Variants in CCDC39 observed in about 807,000 individuals in gnomAD.
The protein encoded by CCDC39 is coiled-coil domain 39 molecular ruler complex subunit, also known as coiled-coil domain-containing protein 39.
In CCDC39, 113 loss-of-function variants were observed where a neutral mutation model predicts 121.0. The observed-to-expected ratio is 0.93, with a 90% CI of 0.80 to 1.09. CCDC39 has a LOEUF of 1.09. Ranked by LOEUF, CCDC39 falls within the 50% of genes least tolerant of loss-of-function variation. The pLI is 0.00. For synonymous variants in CCDC39, 349 were observed against 352.2 expected, an observed-to-expected ratio of 0.99 and a Z score of 0.10; for missense variants, 1,063 against 1,074.7, an observed-to-expected ratio of 0.99 and a Z score of 0.15.
intron 6 of CCDC39, among the ~76,000 whole-genome samples, chr3:180,655,877 T>C (rs1711565755): frequency 6.6e-6 from 1 of 152,150 alleles, no homozygotes; most frequent in African/African-American, 2.4e-5. Context: ...CTGATGGCAA[T>C]AAGTTGGATG....
Position 180,615,054 on chromosome 3 carries a change from G to C in CCDC39, c.2693C>G (p.Ser898Cys). Residue 898 changes from serine to cysteine, a missense_variant, in exon 20 of 20, where the codon TCT (serine) becomes TGT (cysteine). Coordinates refer to ENST00000476379, the MANE Select transcript of CCDC39 (RefSeq NM_181426.2). Reference protein sequence around the residue: ...SARSSRSTSTSTSQSSIKVLE... With the variant: ...SARSSRSTSTCTSQSSIKVLE... ...TACTTTAATTGAAGACTGAGAAGTA[G>C]ATGTACTTGTACTCCTAGATGACCT... The C allele has an allele frequency of 6.5e-7, 1 of 1,548,704 alleles. No homozygotes were observed. Among genetic ancestry groups the C allele is most frequent in the Non-Finnish European group, 8.7e-7 (1 of 1,147,306 alleles).
intron 16 of CCDC39, among the ~76,000 whole-genome samples, chr3:180,617,987 T>A (rs1016583685): frequency 6.6e-6 from 1 of 152,156 alleles, no homozygotes; most frequent in African/African-American, 2.4e-5. Context: ...ACCATTTTTT[T>A]AATCCATTAT....
intron 16 of CCDC39, 90 bp from the exon 17 acceptor site, chr3:180,617,056 C>G (rs771091858): frequency 3.4e-5 from 26 of 754,366 alleles, no homozygotes; most frequent in Non-Finnish European, 5.2e-5. Flanking sequence ...AATTTTAATT[C>G]ATTTATTTTT....
At position 180,648,350 on chromosome 3, in the gene CCDC39, C is replaced by G; in HGVS notation, c.1177G>C (p.Val393Leu). 1.9e-6 allele frequency: 3 copies of G among 1,549,882 alleles called. No individual in the cohort carries two copies. The highest frequency in any genetic ancestry group is 2.6e-6 in the Non-Finnish European group (3 of 1,148,262). The part of the protein sequence containing the change: ...EEEKDVKEVD[V>L]QLNLIKGVLF... Reference sequence around the variant, plus strand: ...ACACCTTTTATGAGGTTCAGTTGAACATCTACTTCCTGATAATGAGAATTA... The same window carrying G: ...ACACCTTTTATGAGGTTCAGTTGAAGATCTACTTCCTGATAATGAGAATTA... The change falls in exon 10 of 20, where the codon GTT becomes CTT. Residue 393 changes from valine (V) to leucine (L), a missense_variant. By Grantham distance (32) the Val-to-Leu change is conservative. Coordinates refer to ENST00000476379, the MANE Select transcript of CCDC39 (RefSeq NM_181426.2).
Position 180,614,835 on chromosome 3 carries a change from C to A in CCDC39, c.*86G>T. 1 of 1,230,910 alleles carries A rather than the reference C, an allele frequency of 8.1e-7. No homozygotes were observed. Among genetic ancestry groups the A allele is most frequent in the Non-Finnish European group, 1.1e-6 (1 of 891,526 alleles). The allele number at this position is 1,230,910 out of a possible 1,614,324, so 76.2% of individuals were successfully genotyped here. ...TACCACTAAGTTTTTACACTTTCCA[C>A]TAGATAAAATGTGTTGGGTCGTTTT... On this transcript the variant is annotated 3_prime_UTR_variant, in exon 20 of 20. Transcript: ENST00000476379.
At chr3:180,619,456 T>A in intron 15 of CCDC39, 91 bp from the exon 16 acceptor site, 1 of 711,964 alleles carries the variant, frequency 1.4e-6, no homozygotes, top group South Asian at 1.7e-5. Context: ...AATATTTTTG[T>A]TATGAAAGTT....
intron 13 of CCDC39, among the ~76,000 whole-genome samples, chr3:180,632,655 C>G (rs1014117832): frequency 6.6e-6 from 1 of 151,964 alleles, no homozygotes; most frequent in Admixed American, 6.6e-5. Context: ...AGCAACATAG[C>G]AGTTCTGAGA....
intron 19 of CCDC39, among the ~76,000 whole-genome samples, chr3:180,615,661 T>C (rs76903092): frequency 0.015 from 2,266 of 152,238 alleles, 68 homozygotes; most frequent in African/African-American, 0.051. Context: ...GACTAAGGAA[T>C]AGTAATTTAA....
chr3:180,661,933 TC>T lies in CCDC39; in HGVS notation c.284del (p.Gly95AspfsTer3). The T allele has an allele frequency of 6.3e-7, 1 of 1,577,410 alleles. No homozygotes were observed. The highest frequency in any genetic ancestry group is 1.2e-5 in the South Asian group (1 of 86,264). On this transcript the variant is annotated frameshift_variant, in exon 3 of 20. Transcript: ENST00000476379. LOFTEE classifies it high-confidence loss of function. ...HFKAIAQRELGRVKDEIQRLE... is the reference protein window; with the variant it reads ...HFKAIAQRELXRVKDEIQRLE... ...GCCGTTGAATTTCATCTTTCACTCG[TC>T]CCAATTCTCTTTGAGCAATGGCCTT...
chr3:180,619,498 C>T, intron 15 of CCDC39, 133 bp from the exon 16 acceptor site: 1 of 632,896 alleles, frequency 1.6e-6, no homozygotes, highest in Non-Finnish European at 2.7e-6. Flanking sequence ...TAGAAAAACA[C>T]TATGGGCATG....
chr3:180,620,014 A>T, intron 14 of CCDC39, 44 bp from the exon 15 acceptor site: 1 of 1,432,534 alleles, frequency 7.0e-7, no homozygotes, highest in Non-Finnish European at 9.4e-7. Flanking sequence ...AGCATTTACT[A>T]TGGGAAGAAA....
chr3:180,614,814 A>G lies in CCDC39; in HGVS notation c.*107T>C. On this transcript the variant is annotated 3_prime_UTR_variant, in exon 20 of 20. Coordinates refer to ENST00000476379, the MANE Select transcript of CCDC39 (RefSeq NM_181426.2). ...AAAACTATCAGTTTTTACACTTACC[A>G]CTAAGTTTTTACACTTTCCACTAGA... 1.0e-6 allele frequency: 1 copy of G among 970,050 alleles called. No homozygotes were observed. Among genetic ancestry groups the G allele is most frequent in the Non-Finnish European group, 1.5e-6 (1 of 673,740 alleles). The allele number at this position is 970,050 out of a possible 1,614,324, so 60.1% of individuals were successfully genotyped here. A position where few individuals can be genotyped will look rare whatever the true frequency, so the allele number is the denominator to read the frequency against.
chr3:180,658,391 C>T (rs1172791341), intron 6 of CCDC39, among the ~76,000 whole-genome samples: 2 of 151,384 alleles, frequency 1.3e-5, no homozygotes, highest in African/African-American at 4.9e-5. Context: ...GTCAGGAGAT[C>T]GAGACCATCC....
intron 6 of CCDC39, among the ~76,000 whole-genome samples, chr3:180,655,477 T>C (rs538118038): frequency 5.9e-5 from 9 of 151,726 alleles, no homozygotes; most frequent in African/African-American, 1.4e-4. Context: ...AAAGAGATGA[T>C]GAATTCTTTC....
intron 11 of CCDC39, among the ~76,000 whole-genome samples, chr3:180,645,661 A>C (rs538762572): frequency 2.6e-5 from 4 of 152,296 alleles, no homozygotes; most frequent in African/African-American, 9.6e-5. Flanking sequence ...ATGTAAAATG[A>C]GATGGAGTGG....
At chr3:180,669,034 A>G (rs538403260) in intron 1 of CCDC39, among the ~76,000 whole-genome samples, 1 of 152,364 alleles carries the variant, frequency 6.6e-6, no homozygotes, top group African/African-American at 2.4e-5. Context: ...TGCACATGAA[A>G]TGCATGTTCG....
intron 18 of CCDC39, 76 bp downstream of exon 18, chr3:180,616,440 C>T (rs779030508): frequency 3.2e-4 from 476 of 1,500,136 alleles, no homozygotes; most frequent in Non-Finnish European, 4.1e-4. Context: ...TTAGCTTTCA[C>T]TTCATGATGA....
intron 11 of CCDC39, among the ~76,000 whole-genome samples, chr3:180,646,730 G>A (rs905501969): frequency 2.0e-5 from 3 of 152,062 alleles, no homozygotes; most frequent in Non-Finnish European, 2.9e-5. Context: ...GTATTTAGAA[G>A]TCAAATGCAG....
At chr3:180,659,798 T>A (rs762326473) in intron 4 of CCDC39, 29 bp from the exon 5 acceptor site, 1 of 1,414,782 alleles carries the variant, frequency 7.1e-7, no homozygotes, top group African/African-American at 1.4e-5. Context: ...CAGATACTTA[T>A]AATTCTCATT....
Sources: gnomAD v4.1 joint callset for allele counts (sites outside exome capture counted in the v4.1 genomes callset) on GRCh38, gnomAD v4.1.1 for gene constraint, MANE v1.5 for transcripts, NCBI Gene and HGNC (gene_info 2026-07-23, HGNC 2026-07-21) for gene names.